NRXN1: variants seen among roughly 807,000 people sequenced by gnomAD.
NRXN1 encodes neurexin 1, also known as neurexin-1.
NRXN1 carries 39 observed loss-of-function variants against 150.9 expected under a neutral mutation model. The observed-to-expected ratio is 0.26, with a 90% CI of 0.20 to 0.34. The LOEUF is 0.34. Among genes scored for constraint, NRXN1 ranks in the 10% least tolerant of loss-of-function variants. NRXN1 has a pLI of 1.00. For missense variants in NRXN1, 1,815 were observed against 1,949.9 expected, an observed-to-expected ratio of 0.93 and a Z score of 1.30; for synonymous variants, 924 against 757.0, an observed-to-expected ratio of 1.22 and a Z score of -3.62.
chr2:50,955,963 C>T (rs1692216332), intron 2 of NRXN1, among the ~76,000 whole-genome samples: 1 of 152,144 alleles, frequency 6.6e-6, no homozygotes, highest in Non-Finnish European at 1.5e-5. Flanking sequence ...ACACATGAAA[C>T]ATGTTTGTGA....
At chr2:50,974,894 T>A (rs1695581156) in intron 2 of NRXN1, among the ~76,000 whole-genome samples, 1 of 152,104 alleles carries the variant, frequency 6.6e-6, no homozygotes, top group South Asian at 2.1e-4. Context: ...AATGTACTTG[T>A]ATTTTCCATT....
intron 5 of NRXN1, among the ~76,000 whole-genome samples, chr2:50,742,437 T>C (rs566497444): frequency 1.3e-5 from 2 of 151,596 alleles, no homozygotes; most frequent in South Asian, 2.1e-4. Context: ...CATCACCCTG[T>C]CTCTACTAAA....
At chr2:50,262,462 CT>C (rs901843333) in intron 17 of NRXN1, among the ~76,000 whole-genome samples, 2 of 151,868 alleles carry the variant, frequency 1.3e-5, no homozygotes, top group African/African-American at 4.8e-5. Flanking sequence ...GAGGTCTTCT[CT>C]TTTTAAATCT....
At chr2:50,887,358 T>C (rs1014763889) in intron 5 of NRXN1, among the ~76,000 whole-genome samples, 1 of 151,518 alleles carries the variant, frequency 6.6e-6, no homozygotes, top group African/African-American at 2.4e-5. Flanking sequence ...AGATACGTAC[T>C]AGGCTATTTA....
At chr2:50,646,728 T>G (rs905498387) in intron 5 of NRXN1, among the ~76,000 whole-genome samples, 1 of 148,232 alleles carries the variant, frequency 6.7e-6, no homozygotes, top group Non-Finnish European at 1.5e-5. Flanking sequence ...TTTTTTTTTT[T>G]TCTCTCTGAG....
chr2:50,564,371 T>C (rs1247128002), intron 8 of NRXN1, among the ~76,000 whole-genome samples: 1 of 152,200 alleles, frequency 6.6e-6, no homozygotes, highest in Non-Finnish European at 1.5e-5. Context: ...AAGTGACTAC[T>C]ATTGAAAGCA....
At chr2:50,013,875 T>C (rs1165877796) in intron 21 of NRXN1, among the ~76,000 whole-genome samples, 1 of 152,090 alleles carries the variant, frequency 6.6e-6, no homozygotes, top group East Asian at 1.9e-4. Flanking sequence ...TGGGTACTAG[T>C]TTCAGTGAAT....
chr2:50,254,108 T>C (rs1438379277), intron 17 of NRXN1, among the ~76,000 whole-genome samples: 2 of 151,970 alleles, frequency 1.3e-5, no homozygotes, highest in East Asian at 3.9e-4. Flanking sequence ...TTTTGGTCTA[T>C]TTGGGAATTC....
At chr2:50,420,242 G>C (rs924785328) in intron 17 of NRXN1, among the ~76,000 whole-genome samples, 9 of 151,904 alleles carry the variant, frequency 5.9e-5, no homozygotes, top group Non-Finnish European at 1.2e-4. Context: ...CAGACAGAAA[G>C]CGAGTCCTCT....
intron 17 of NRXN1, among the ~76,000 whole-genome samples, chr2:50,407,528 A>T (rs1021714360): frequency 6.6e-6 from 1 of 152,062 alleles, no homozygotes; most frequent in South Asian, 2.1e-4. Context: ...TTTATCCCCA[A>T]TATGGCAATA....
intron 17 of NRXN1, among the ~76,000 whole-genome samples, chr2:50,279,562 T>G (rs1212722068): frequency 6.6e-6 from 1 of 152,180 alleles, no homozygotes; most frequent in Non-Finnish European, 1.5e-5. Flanking sequence ...ATTAATAAGG[T>G]AATGACTCAT....
At chr2:50,557,696 G>GT (rs1408129928) in intron 8 of NRXN1, among the ~76,000 whole-genome samples, 1 of 152,152 alleles carries the variant, frequency 6.6e-6, no homozygotes, top group East Asian at 1.9e-4. Flanking sequence ...AAGTGATCAA[G>GT]TAAATACTCA....
At chr2:50,994,737 T>C (rs528921100) in intron 2 of NRXN1, among the ~76,000 whole-genome samples, 2 of 152,178 alleles carry the variant, frequency 1.3e-5, no homozygotes, top group South Asian at 2.1e-4. Flanking sequence ...AGTACACACA[T>C]CTGAGTTTTT....
chr2:50,623,387 A>G lies in NRXN1; in HGVS notation c.1061T>C (p.Leu354Pro), dbSNP rs2104294781. 1 of 1,613,382 alleles carries G rather than the reference A, an allele frequency of 6.2e-7. No individual in the cohort carries two copies. Among genetic ancestry groups the G allele is most frequent in the Middle Eastern group, 1.7e-4 (1 of 6,058 alleles). Residue 354 changes from leucine to proline, a missense_variant, in exon 6 of 23, where the codon CTA becomes CCA. Physicochemically the swap from Leu to Pro is moderately conservative, Grantham distance 98. This residue lies in a region of NRXN1 where 14 missense variants were observed against 48.4 expected (regional missense o/e 0.29). Transcript: ENST00000401669. ...AAACTTTCCATTCACAGGCTCCACTAGTGCTTCAAAGGCCCCTGATCCCAA... is the reference window on the plus strand; with the variant it reads ...AAACTTTCCATTCACAGGCTCCACTGGTGCTTCAAAGGCCCCTGATCCCAA... ...INLGSGAFEA[L>P]VEPVNGKFND... is the part of the protein sequence containing the mutation.
At chr2:50,659,790 G>T in intron 5 of NRXN1, among the ~76,000 whole-genome samples, 1 of 146,460 alleles carries the variant, frequency 6.8e-6, no homozygotes, top group Non-Finnish European at 1.5e-5. Context: ...TTCCCTTTCT[G>T]AAAGTTAATG....
intron 8 of NRXN1, among the ~76,000 whole-genome samples, chr2:50,573,930 G>C (rs1478875676): frequency 6.6e-6 from 1 of 152,046 alleles, no homozygotes; most frequent in Non-Finnish European, 1.5e-5. Context: ...TAAGGGACCT[G>C]AGTAACTACA....
chr2:50,489,304 T>C (rs1346802836), intron 15 of NRXN1, among the ~76,000 whole-genome samples: 1 of 152,150 alleles, frequency 6.6e-6, no homozygotes, highest in East Asian at 1.9e-4. Context: ...TTGGGATCTT[T>C]AAAGTTTCAC....
At chr2:50,393,381 G>A (rs2081863911) in intron 17 of NRXN1, among the ~76,000 whole-genome samples, 2 of 151,984 alleles carry the variant, frequency 1.3e-5, no homozygotes, top group Admixed American at 6.6e-5. Flanking sequence ...TGAAATTTGA[G>A]TCTTGTGACC....
chr2:50,468,165 T>C (rs1424737758), intron 16 of NRXN1, among the ~76,000 whole-genome samples: 1 of 151,560 alleles, frequency 6.6e-6, no homozygotes, highest in African/African-American at 2.4e-5. Context: ...CAAGAACTAA[T>C]GAAGATCCAG....
Sources: allele counts gnomAD v4.1 joint callset (sites outside exome capture counted in the v4.1 genomes callset), GRCh38; gene constraint gnomAD v4.1.1; regional missense constraint gnomAD v4.1.1; transcripts MANE v1.5; gene names NCBI Gene and HGNC (gene_info 2026-07-23, HGNC 2026-07-21).